Variants in RAB39A observed in about 807,000 individuals in gnomAD.
RAB39A encodes the protein RAB39A, member RAS oncogene family.
Under a neutral mutation model 20.9 loss-of-function variants are expected in RAB39A, and 17 were observed. The observed-to-expected ratio is 0.81, with a 90% CI of 0.56 to 1.22. The LOEUF (loss-of-function observed/expected upper bound fraction) is 1.22, where lower values mean the gene tolerates loss of function less well. Ranked by LOEUF, RAB39A falls within the 50% of genes most tolerant of loss-of-function variation. RAB39A has a pLI of 0.00. For synonymous variants in RAB39A, 99 were observed against 103.4 expected (o/e 0.96, Z 0.26); for missense variants, 234 against 270.5 (o/e 0.87, Z 0.95).
At chr11:107,947,710 A>C in intron 1 of RAB39A, among the ~76,000 whole-genome samples, 1 of 149,702 alleles carries the variant, frequency 6.7e-6, no homozygotes, top group Non-Finnish European at 1.5e-5. Context: ...TCGATCAGGA[A>C]TCAGATTGGC....
chr11:107,930,085 T>C (rs1050900392), intron 1 of RAB39A, among the ~76,000 whole-genome samples: 11 of 152,146 alleles, frequency 7.2e-5, no homozygotes, highest in Non-Finnish European at 1.3e-4. Flanking sequence ...TGCTGATTCA[T>C]AGAGATAATG....
intron 1 of RAB39A, among the ~76,000 whole-genome samples, chr11:107,937,653 A>G (rs1861209431): frequency 6.6e-6 from 1 of 151,920 alleles, no homozygotes. Flanking sequence ...CTCCTGCCTC[A>G]GCCTCCCAAG....
At chr11:107,946,452 ATATATATATTTTTTTTTTTT>A (rs1565464296) in intron 1 of RAB39A, among the ~76,000 whole-genome samples, 106 of 71,786 alleles carry the variant, frequency 1.5e-3, no homozygotes, top group African/African-American at 5.4e-3. Context: ...ATATATATAT[ATATATATATTTTTTTTTTTT>A]TTTTTTTTTT....
Position 107,962,139 on chromosome 11 carries a change from G to A in RAB39A, c.421G>A (p.Glu141Lys). 6.2e-7 allele frequency: 1 copy of A among 1,614,166 alleles called. No individual in the cohort carries two copies. Among genetic ancestry groups the A allele is most frequent in the Non-Finnish European group, 8.5e-7 (1 of 1,180,014 alleles). ...TTCACAACGTCAAGTTACAAGGGAA[G>A]AAGCTGAAAAACTGTCAGCAGACTG... ...LASQRQVTRE[E>K]AEKLSADCGM... Residue 141 changes from glutamate (E) to lysine (K), a missense_variant, in exon 2 of 2, where the codon GAA becomes AAA. Glu to Lys is a moderately conservative substitution (Grantham distance 56). Coordinates refer to ENST00000320578, the MANE Select transcript of RAB39A (RefSeq NM_017516.3).
intron 1 of RAB39A, among the ~76,000 whole-genome samples, chr11:107,944,834 G>A (rs1861293386): frequency 6.6e-6 from 1 of 152,066 alleles, no homozygotes. Flanking sequence ...CTTGATTCTG[G>A]GACATGCTGA....
chr11:107,945,737 A>G (rs1005573017), intron 1 of RAB39A, among the ~76,000 whole-genome samples: 11 of 152,244 alleles, frequency 7.2e-5, no homozygotes, highest in African/African-American at 2.6e-4. Flanking sequence ...CCCATTCCAT[A>G]TATCAAACAA....
At chr11:107,946,436 G>GTGTGTGTATA (rs1315934948) in intron 1 of RAB39A, among the ~76,000 whole-genome samples, 5 of 30,480 alleles carry the variant, frequency 1.6e-4, no homozygotes, top group African/African-American at 6.2e-4. Context: ...GTGTGTGTGT[G>GTGTGTGTATA]TATATATATA....
chr11:107,960,337 A>G (rs1460771840), intron 1 of RAB39A, among the ~76,000 whole-genome samples: 1 of 152,254 alleles, frequency 6.6e-6, no homozygotes, highest in Admixed American at 6.5e-5. Context: ...TAATGGCAGA[A>G]TGCCAGTGGT....
rs369739015 is a variant in RAB39A, at chr11:107,946,308, C to CTATATATATATA, written c.228-15631_228-15620dup. Among the ~76,000 whole-genome samples the CTATATATATATA allele has an allele frequency of 3.3e-3, 307 of 94,250 alleles. 3 individuals are homozygous for CTATATATATATA. Among genetic ancestry groups the CTATATATATATA allele is most frequent in the African/African-American group, 0.011 (282 of 26,630 alleles). The allele number at this position is 94,250 out of a possible 152,430, so 61.8% of individuals were successfully genotyped here. A position where few individuals can be genotyped will look rare whatever the true frequency, so the allele number is the denominator to read the frequency against. On this transcript the variant is annotated intron_variant, in intron 1 of 1. Transcript: ENST00000320578. ...ATTGCAACCATAAAGGAACAGGATA[C>CTATATATATATA]TATATATATATATATATACACACAC...
chr11:107,938,584 A>AT (rs1861224668), intron 1 of RAB39A, among the ~76,000 whole-genome samples: 1 of 149,480 alleles, frequency 6.7e-6, no homozygotes, highest in Non-Finnish European at 1.5e-5. Flanking sequence ...AAAAAAAAAA[A>AT]AATTAGGTGG....
At chr11:107,949,357 A>C (rs77559251) in intron 1 of RAB39A, among the ~76,000 whole-genome samples, 10,175 of 152,214 alleles carry the variant, frequency 0.067, 362 homozygotes, top group African/African-American at 0.1. Context: ...AATGACTTGA[A>C]AATAAAAGCT....
intron 1 of RAB39A, among the ~76,000 whole-genome samples, chr11:107,946,454 ATATATATT>A (rs1861317294): frequency 1.1e-4 from 7 of 61,908 alleles, no homozygotes; most frequent in Non-Finnish European, 2.1e-4. Context: ...ATATATATAT[ATATATATT>A]TTTTTTTTTT....
intron 1 of RAB39A, among the ~76,000 whole-genome samples, chr11:107,955,885 A>G (rs1373360409): frequency 6.6e-6 from 1 of 151,940 alleles, no homozygotes; most frequent in African/African-American, 2.4e-5. Context: ...TTCACCAAGT[A>G]TTATGCATTT....
chr11:107,953,294 G>A (rs1418384641), intron 1 of RAB39A, among the ~76,000 whole-genome samples: 1 of 152,110 alleles, frequency 6.6e-6, no homozygotes, highest in African/African-American at 2.4e-5. Flanking sequence ...AGTCTATGTT[G>A]ACTCTATTGG....
intron 1 of RAB39A, among the ~76,000 whole-genome samples, chr11:107,946,390 GTA>G (rs1164054240): frequency 0.01 from 571 of 55,970 alleles, 4 homozygotes; most frequent in African/African-American, 0.032. Context: ...ATATGTGGGT[GTA>G]TATATGTGTG....
At chr11:107,951,937 T>C (rs771141905) in intron 1 of RAB39A, among the ~76,000 whole-genome samples, 6 of 152,190 alleles carry the variant, frequency 3.9e-5, no homozygotes, top group Non-Finnish European at 8.8e-5. Flanking sequence ...AATCATGTCA[T>C]TTGTGTAAAA....
rs71047654 is a variant in RAB39A, at chr11:107,946,396, ATGTGTGTGTGTGTGTGTG to A, written c.228-15526_228-15509del. Among the ~76,000 whole-genome samples the A allele has an allele frequency of 9.5e-3, 359 of 37,618 alleles. 6 individuals carry two copies. Among genetic ancestry groups the A allele is most frequent in the African/African-American group, 0.028 (230 of 8,246 alleles). 24.7% of individuals were successfully genotyped at this position (37,618 alleles called of 152,430 possible). A position where few individuals can be genotyped will look rare whatever the true frequency, so the allele number is the denominator to read the frequency against. ...CACACATATATATGTGGGTGTATAT[ATGTGTGTGTGTGTGTGTG>A]TGTGTGTGTGTGTGTGTGTGTGTAT... is the stretch of plus-strand genomic sequence containing the variant. On this transcript the variant is annotated intron_variant, in intron 1 of 1. Transcript: ENST00000320578.
chr11:107,942,451 G>A (rs1017616583), intron 1 of RAB39A, among the ~76,000 whole-genome samples: 1 of 151,916 alleles, frequency 6.6e-6, no homozygotes. Flanking sequence ...CTGAAGTGCA[G>A]TGGTGTGATC....
At chr11:107,949,954 C>T (rs534348740) in intron 1 of RAB39A, among the ~76,000 whole-genome samples, 1 of 152,130 alleles carries the variant, frequency 6.6e-6, no homozygotes, top group African/African-American at 2.4e-5. Flanking sequence ...GGGCGTATTA[C>T]AAGGTGAGGA....
Sources: gnomAD v4.1 joint callset for allele counts (sites outside exome capture counted in the v4.1 genomes callset) on GRCh38, gnomAD v4.1.1 for gene constraint, MANE v1.5 for transcripts, NCBI Gene and HGNC (gene_info 2026-07-23, HGNC 2026-07-21) for gene names.